Variants in BCL11B observed in about 807,000 individuals in gnomAD.
The protein encoded by BCL11B is BCL11 transcription factor B, also known as B-cell lymphoma/leukemia 11B.
A neutral mutation model predicts 49.9 loss-of-function variants in BCL11B; 8 were observed. That is an observed-to-expected ratio of 0.16 (90% CI 0.09 to 0.29). The LOEUF is 0.29. BCL11B is among the 10% of genes least tolerant of loss of function. BCL11B has a pLI of 1.00. For missense variants in BCL11B, 1,006 were observed against 1,351.0 expected (o/e 0.74, Z 4.00); for synonymous variants, 739 against 637.4 (o/e 1.16, Z -2.40).
Position 99,236,171 on chromosome 14 carries a change from G to A in BCL11B, c.428-4614C>T, listed in dbSNP as rs181291148. 2.0e-5 allele frequency among the ~76,000 whole-genome samples: 3 copies of A among 152,258 alleles called. No individual in the cohort carries two copies. The East Asian group carries it at 5.8e-4, about 29-fold the overall frequency. Reference sequence around the variant, plus strand: ...GGGAGCCGGGAAAGATTTGAGAGGCGAACGTACTGTGCAGGAAAGGCAGCG... The same window carrying A: ...GGGAGCCGGGAAAGATTTGAGAGGCAAACGTACTGTGCAGGAAAGGCAGCG... On this transcript the variant is annotated intron_variant, in intron 2 of 3. Coordinates refer to ENST00000357195, the MANE Select transcript of BCL11B (RefSeq NM_138576.4).
At chr14:99,246,597 C>G (rs1888847955) in intron 2 of BCL11B, among the ~76,000 whole-genome samples, 1 of 152,210 alleles carries the variant, frequency 6.6e-6, no homozygotes, top group Non-Finnish European at 1.5e-5. Flanking sequence ...GGTGCGGGGT[C>G]CGGGAGATGC....
chr14:99,245,291 G>A (rs1445487482), intron 2 of BCL11B, among the ~76,000 whole-genome samples: 2 of 152,204 alleles, frequency 1.3e-5, no homozygotes, highest in Non-Finnish European at 2.9e-5. Flanking sequence ...CTGAAAGGAG[G>A]ACTGACATTA....
Position 99,192,975 on chromosome 14 carries a change from G to T in BCL11B, c.641-16780C>A, listed in dbSNP as rs1170461680. On this transcript the variant is annotated intron_variant, in intron 3 of 3. Transcript: ENST00000357195. The surrounding 1 kb of genome is among the most constrained non-coding windows in gnomAD (Gnocchi z 4.0). ...TGAATAAGTGAATGAATGAATGAGT[G>T]AATAAGTGAGTGCAAGACAGCAGGA... Among the ~76,000 whole-genome samples, 1 of 152,228 alleles carries T rather than the reference G, an allele frequency of 6.6e-6. No homozygotes were observed. The highest frequency in any genetic ancestry group is 2.4e-5 in the African/African-American group (1 of 41,462).
intron 3 of BCL11B, among the ~76,000 whole-genome samples, chr14:99,209,728 T>G (rs998337653): frequency 6.6e-6 from 1 of 152,130 alleles, no homozygotes; most frequent in African/African-American, 2.4e-5. Flanking sequence ...GTGAGTGCCC[T>G]GGAGTGGACC....
intron 2 of BCL11B, among the ~76,000 whole-genome samples, chr14:99,250,957 C>T (rs1210953846): frequency 6.6e-6 from 1 of 151,962 alleles, no homozygotes; most frequent in Non-Finnish European, 1.5e-5. Flanking sequence ...CTGATGTCAC[C>T]ATGTTAGCGG....
chr14:99,179,074 G>A (rs1041527753), intron 3 of BCL11B, among the ~76,000 whole-genome samples: 1 of 152,210 alleles, frequency 6.6e-6, no homozygotes, highest in African/African-American at 2.4e-5. Flanking sequence ...CTCTACAGCT[G>A]AAATGGCCAA....
At position 99,251,434 on chromosome 14, in the gene BCL11B, G is replaced by A. The variant is rs577985662; in HGVS notation, c.427+6037C>T. Among the ~76,000 whole-genome samples, 8 of 152,154 alleles carry A rather than the reference G, an allele frequency of 5.3e-5. No individual in the cohort carries two copies. In the East Asian group the frequency reaches 1.5e-3, roughly 29 times the overall value. Reference sequence around the variant, plus strand: ...CCAGTTATAGGTACCGAGACCTGGGGAGGCAAACAGTTGGCTGACAGTCAC... The same window carrying A: ...CCAGTTATAGGTACCGAGACCTGGGAAGGCAAACAGTTGGCTGACAGTCAC... On this transcript the variant is annotated intron_variant, in intron 2 of 3. Coordinates refer to ENST00000357195, the MANE Select transcript of BCL11B (RefSeq NM_138576.4).
In BCL11B at chr14:99,231,446, C is replaced by T. The variant is rs2139891480; in HGVS notation, c.539G>A (p.Cys180Tyr). Residue 180 changes from cysteine to tyrosine, a missense_variant, in exon 3 of 4, where the codon TGC (cysteine) becomes TAC (tyrosine). This residue lies in a region of BCL11B where 411 missense variants were observed against 542.2 expected (regional missense o/e 0.76). Transcript: ENST00000357195. The surrounding 1 kb of genome is among the most constrained non-coding windows in gnomAD (Gnocchi z 8.1). ...PLRALGALPPCLPLPCCSARP... is the reference protein window; with the variant it reads ...PLRALGALPPYLPLPCCSARP... Reference sequence around the variant, plus strand: ...CGCGCTGCAGCACGGCAGGGGGAGGCAGGGCGGGAGAGCGCCCAGGGCACG... The same window carrying T: ...CGCGCTGCAGCACGGCAGGGGGAGGTAGGGCGGGAGAGCGCCCAGGGCACG... 15 of 1,595,728 alleles carry T rather than the reference C, an allele frequency of 9.4e-6. No homozygotes were observed. The highest frequency in any genetic ancestry group is 1.3e-5 in the Non-Finnish European group (15 of 1,170,754).
At chr14:99,251,802 G>A (rs986649424) in intron 2 of BCL11B, among the ~76,000 whole-genome samples, 1 of 152,220 alleles carries the variant, frequency 6.6e-6, no homozygotes, top group East Asian at 1.9e-4. Flanking sequence ...CAGAGGTGGT[G>A]CCCGCCATCA....
Position 99,175,623 on chromosome 14 carries a change from T to C in BCL11B, c.1213A>G (p.Ser405Gly), listed in dbSNP as rs745593677. ...FQPSPKSPFL[S>G]TPPLPPMPPG... Reference sequence around the variant, plus strand: ...GGCATGGGCGGCAGCGGCGGCGTGCTCAGGAACGGGGACTTGGGGCTGGGC... The same window carrying C: ...GGCATGGGCGGCAGCGGCGGCGTGCCCAGGAACGGGGACTTGGGGCTGGGC... Residue 405 changes from serine (S) to glycine (G), a missense_variant, in exon 4 of 4, where the codon AGC becomes GGC. Physicochemically the swap from Ser to Gly is moderately conservative, Grantham distance 56 (BLOSUM62 0). Around this residue, in one of 6 missense-constraint regions of BCL11B, gnomAD observed 97 missense variants for 81.5 expected, o/e 1.19. Coordinates refer to ENST00000357195, the MANE Select transcript of BCL11B (RefSeq NM_138576.4). 3.3e-5 allele frequency: 51 copies of C among 1,560,348 alleles called. No individual in the cohort carries two copies. The highest frequency in any genetic ancestry group is 1.5e-5 in the Non-Finnish European group (18 of 1,161,586).
chr14:99,209,440 C>T (rs1887626841), intron 3 of BCL11B, among the ~76,000 whole-genome samples: 4 of 152,126 alleles, frequency 2.6e-5, no homozygotes, highest in Non-Finnish European at 2.9e-5. Flanking sequence ...AGGAACAAGC[C>T]TGGTCGTGGG....
chr14:99,203,864 C>G (rs1393485294), intron 3 of BCL11B, among the ~76,000 whole-genome samples: 1 of 152,074 alleles, frequency 6.6e-6, no homozygotes, highest in African/African-American at 2.4e-5. Flanking sequence ...GCAGCCACCT[C>G]CCTCTCGTGG....
intron 1 of BCL11B, chr14:99,263,240 A>C (rs1468840928): frequency 1.3e-5 from 2 of 153,172 alleles, no homozygotes; most frequent in Non-Finnish European, 2.9e-5. Context: ...CACCCTCCAA[A>C]GGCTGCCTCC....
rs752763614 is a variant in BCL11B, at chr14:99,175,675, A to G, written c.1161T>C (p.Pro387=). 47 of 1,541,954 alleles carry G rather than the reference A, an allele frequency of 3.0e-5. No individual in the cohort carries two copies. The South Asian group carries it at 5.6e-4, about 18-fold the overall frequency. The stretch of plus-strand genomic sequence containing the variant: ...GGAAGGGGTTCAGGAGCCGGTGCAT[A>G]GGGTTGCCGCGGCCCGGGGACACGG... ...PPPVSPGRGN[P]MHRLLNPFQP... The change falls in exon 4 of 4, where the codon CCT becomes CCC. Residue 387 remains proline (P), a synonymous_variant. Coordinates refer to ENST00000357195, the MANE Select transcript of BCL11B (RefSeq NM_138576.4).
At chr14:99,179,166 C>CTTGT (rs1278944095) in intron 3 of BCL11B, among the ~76,000 whole-genome samples, 2 of 152,164 alleles carry the variant, frequency 1.3e-5, no homozygotes, top group Non-Finnish European at 2.9e-5. Flanking sequence ...GTTTCCACTT[C>CTTGT]TTGTTTGTTT....
intron 3 of BCL11B, among the ~76,000 whole-genome samples, chr14:99,201,991 T>C (rs1887398130): frequency 6.6e-6 from 1 of 152,120 alleles, no homozygotes; most frequent in Non-Finnish European, 1.5e-5. Context: ...CTCGCCTCTT[T>C]TTTTTCGGTA....
chr14:99,270,466 C>T (rs1213640349), intron 1 of BCL11B, among the ~76,000 whole-genome samples: 2 of 109,624 alleles, frequency 1.8e-5, no homozygotes, highest in South Asian at 6.5e-4. Flanking sequence ...AGGAGACAGA[C>T]GGAGGTGGGG....
intron 3 of BCL11B, among the ~76,000 whole-genome samples, chr14:99,185,854 C>T (rs1886837931): frequency 6.6e-6 from 1 of 152,204 alleles, no homozygotes; most frequent in African/African-American, 2.4e-5. Flanking sequence ...CAAGACCTCA[C>T]CGCATCTGGC....
rs759350555 is a variant in BCL11B, at chr14:99,175,921, G to A, written c.915C>T (p.Phe305=). 18 of 1,445,702 alleles carry A rather than the reference G, an allele frequency of 1.2e-5. No individual in the cohort carries two copies. Among genetic ancestry groups the A allele is most frequent in the Non-Finnish European group, 1.5e-5 (16 of 1,101,356 alleles). The allele number at this position is 1,445,702 out of a possible 1,614,324, so 89.6% of individuals were successfully genotyped here. ...GCGTGCCCGGCAGGCGGCCCTCGCC[G>A]AAGCCCGGGTGGTCCCGCAGGATGG... The part of the protein sequence containing the change: ...TGPILRDHPG[F]GEGRLPGTPP... Residue 305 remains phenylalanine (F), a synonymous_variant, in exon 4 of 4, where the codon TTC becomes TTT. Transcript: ENST00000357195.
Sources: gnomAD v4.1 joint callset for allele counts (sites outside exome capture counted in the v4.1 genomes callset) on GRCh38, gnomAD v4.1.1 for gene constraint, gnomAD v4.1.1 regional missense constraint, Gnocchi (gnomAD v3.1) non-coding constraint, MANE v1.5 for transcripts, NCBI Gene and HGNC (gene_info 2026-07-23, HGNC 2026-07-21) for gene names.